CDHR3: variants seen among roughly 807,000 people sequenced by gnomAD.
The protein encoded by CDHR3 is cadherin related family member 3.
In CDHR3, 79 loss-of-function variants were observed where a neutral mutation model predicts 86.6. The observed-to-expected ratio is 0.91, with a 90% confidence interval of 0.76 to 1.10. The LOEUF (loss-of-function observed/expected upper bound fraction) is 1.10. CDHR3 is among the 50% of genes least tolerant of loss of function. The pLI is 0.00. For missense variants in CDHR3, 1,081 were observed against 1,077.6 expected, an observed-to-expected ratio of 1.00 and a Z score of -0.04; for synonymous variants, 421 against 402.4, an observed-to-expected ratio of 1.05 and a Z score of -0.55.
chr7:105,987,882 C>T (rs1376675956), intron 4 of CDHR3, among the ~76,000 whole-genome samples: 1 of 152,140 alleles, frequency 6.6e-6, no homozygotes, highest in Admixed American at 6.6e-5. Context: ...GACGAAAAGG[C>T]TGGGAACACT....
chr7:106,033,010 C>G lies in CDHR3; in HGVS notation c.*313C>G. 1 of 306,746 alleles carries G rather than the reference C, an allele frequency of 3.3e-6. No individual in the cohort carries two copies. The allele number at this position is 306,746 out of a possible 1,614,324, so 19.0% of individuals were successfully genotyped here. On this transcript the variant is annotated 3_prime_UTR_variant, in exon 19 of 19. Transcript: ENST00000317716. Reference sequence around the variant, plus strand: ...TCTTTGCATTGACTGCTAGGAAGCTCTATTCTGTTCACCATAGAAAGTTTG... The same window carrying G: ...TCTTTGCATTGACTGCTAGGAAGCTGTATTCTGTTCACCATAGAAAGTTTG...
intron 2 of CDHR3, among the ~76,000 whole-genome samples, chr7:105,977,457 C>G (rs1829002089): frequency 6.6e-6 from 1 of 152,236 alleles, no homozygotes; most frequent in Non-Finnish European, 1.5e-5. Flanking sequence ...CTCAACTCAT[C>G]TAGGCTCAAG....
intron 10 of CDHR3, among the ~76,000 whole-genome samples, chr7:106,015,425 C>T (rs1321250734): frequency 5.3e-5 from 8 of 152,008 alleles, no homozygotes; most frequent in Non-Finnish European, 8.8e-5. Flanking sequence ...TTAAAGCCTT[C>T]GAGCATCTCC....
Position 106,017,966 on chromosome 7 carries a change from C to A in CDHR3, c.1547C>A (p.Pro516His), listed in dbSNP as rs1254405942. The part of the protein sequence containing the change: ...LQYPNVFWIN[P>H]KTGELQLVTK... ...TATCCAAATGTATTTTGGATTAATC[C>A]CAAGACAGGAGAACTCCAGCTGGTA... The change falls in exon 12 of 19, where the codon CCC becomes CAC. Residue 516 changes from proline to histidine, a missense_variant. Physicochemically the swap from Pro to His is moderately conservative, Grantham distance 77. Transcript: ENST00000317716. 1 of 1,613,808 alleles carries A rather than the reference C, an allele frequency of 6.2e-7. No individual in the cohort carries two copies. The highest frequency in any genetic ancestry group is 2.2e-5 in the East Asian group (1 of 44,870).
At chr7:106,016,444 C>T (rs1169314498) in intron 11 of CDHR3, among the ~76,000 whole-genome samples, 1 of 152,148 alleles carries the variant, frequency 6.6e-6, no homozygotes, top group African/African-American at 2.4e-5. Flanking sequence ...AAGGCATTTT[C>T]TCTCTCCCCT....
rs747286133 is a variant in CDHR3, at chr7:105,975,007, A to G, written c.210A>G (p.Glu70=). 9.3e-6 allele frequency: 15 copies of G among 1,613,844 alleles called. No individual in the cohort carries two copies. In the Admixed American group the frequency reaches 2.5e-4, roughly 27 times the overall value. ...TAGTCAACTCAAATCCCCTCACTGA[A>G]GCTTTTAGGGTGAATTGGCTGTCAG... is the stretch of plus-strand genomic sequence containing the variant. The part of the protein sequence containing the change: ...PQIVNSNPLT[E]AFRVNWLSGT... The change falls in exon 2 of 19, where the codon GAA becomes GAG. Residue 70 remains glutamate (E), a synonymous_variant. Coordinates refer to ENST00000317716, the MANE Select transcript of CDHR3 (RefSeq NM_152750.5).
chr7:105,975,347 G>A (rs1828639934), intron 2 of CDHR3, among the ~76,000 whole-genome samples: 1 of 152,170 alleles, frequency 6.6e-6, no homozygotes, highest in African/African-American at 2.4e-5. Flanking sequence ...TGTGCCTACA[G>A]TATCTAAATT....
chr7:105,993,486 A>G (rs1215086928), intron 4 of CDHR3, among the ~76,000 whole-genome samples: 2 of 151,312 alleles, frequency 1.3e-5, no homozygotes, highest in Non-Finnish European at 1.5e-5. Context: ...CCTGGGCAAC[A>G]TGGTGAAACC....
rs191771910 is a variant in CDHR3, at chr7:105,998,154, G to A, written c.713+1800G>A. ...TTTCAAACTACGTGCTGACTTGGAG[G>A]GCTTTCATGGTTCCCTTGAGCTTCT... On this transcript the variant is annotated intron_variant, in intron 6 of 18. Transcript: ENST00000317716. Among the ~76,000 whole-genome samples, 6 of 152,216 alleles carry A rather than the reference G, an allele frequency of 3.9e-5. No individual in the cohort carries two copies. The East Asian group carries it at 1.2e-3, about 29-fold the overall frequency.
chr7:106,032,836 G>T lies in CDHR3; in HGVS notation c.*139G>T. On this transcript the variant is annotated 3_prime_UTR_variant, in exon 19 of 19. Transcript: ENST00000317716. Reference sequence around the variant, plus strand: ...ATCCAGGGTCAAACATGGGATGTTTGACAAATTTTTAAACAAATAGAAAGG... The same window carrying T: ...ATCCAGGGTCAAACATGGGATGTTTTACAAATTTTTAAACAAATAGAAAGG... The T allele has an allele frequency of 1.2e-6, 1 of 831,772 alleles. No individual in the cohort carries two copies. Among genetic ancestry groups the T allele is most frequent in the Non-Finnish European group, 1.8e-6 (1 of 548,188 alleles). The allele number at this position is 831,772 out of a possible 1,614,324, so 51.5% of individuals were successfully genotyped here.
intron 9 of CDHR3, among the ~76,000 whole-genome samples, chr7:106,014,857 T>C (rs957810952): frequency 2.0e-5 from 3 of 152,246 alleles, no homozygotes; most frequent in African/African-American, 7.2e-5. Flanking sequence ...GATCCTGTGC[T>C]GTTGAGCAAT....
At position 105,978,786 on chromosome 7, in the gene CDHR3, T is replaced by G. The variant is rs533402969; in HGVS notation, c.250-2182T>G. On this transcript the variant is annotated intron_variant, in intron 2 of 18. Transcript: ENST00000317716. ...ATTCTTTTGGTTCCAAGATACAACA[T>G]TTTTGGACCATTTTTTGACTGTTCT... is the stretch of plus-strand genomic sequence containing the variant. Among the ~76,000 whole-genome samples, 10 of 152,250 alleles carry G rather than the reference T, an allele frequency of 6.6e-5. No homozygotes were observed. In the East Asian group the frequency reaches 1.9e-3, roughly 29 times the overall value.
At chr7:106,023,874 C>G (rs1836959491) in intron 14 of CDHR3, among the ~76,000 whole-genome samples, 1 of 152,196 alleles carries the variant, frequency 6.6e-6, no homozygotes, top group South Asian at 2.1e-4. Context: ...ACCTCCGTAA[C>G]TTGTTTGTTA....
chr7:105,996,157 C>T (rs1832171336), intron 5 of CDHR3, 93 bp from the exon 6 acceptor site: 2 of 699,036 alleles, frequency 2.9e-6, no homozygotes, highest in Non-Finnish European at 5.2e-6. Context: ...GCAGGGTCTG[C>T]TCTCACTCCT....
At chr7:105,971,095 C>T (rs973586556) in intron 1 of CDHR3, among the ~76,000 whole-genome samples, 2 of 150,460 alleles carry the variant, frequency 1.3e-5, no homozygotes, top group Admixed American at 6.6e-5. Flanking sequence ...GAGCCAAGAT[C>T]GCGCCACTGC....
At chr7:105,998,570 T>A (rs1832626788) in intron 6 of CDHR3, among the ~76,000 whole-genome samples, 1 of 152,132 alleles carries the variant, frequency 6.6e-6, no homozygotes, top group South Asian at 2.1e-4. Flanking sequence ...GGCGGGTGGA[T>A]CACCTGAGGT....
At chr7:106,018,118 C>G in intron 12 of CDHR3, 46 bp downstream of exon 12, 1 of 1,508,720 alleles carries the variant, frequency 6.6e-7, no homozygotes. Context: ...AACTGGTTGA[C>G]TTAGGGTCTC....
intron 1 of CDHR3, among the ~76,000 whole-genome samples, chr7:105,966,346 A>G (rs193803): frequency 0.76 from 115,887 of 152,090 alleles, 45,348 homozygotes; most frequent in East Asian, 0.95. Context: ...CAGAAGATTC[A>G]CATGGACATG....
At chr7:105,974,298 CAGAGTCCA>C (rs1828437827) in intron 1 of CDHR3, among the ~76,000 whole-genome samples, 1 of 152,210 alleles carries the variant, frequency 6.6e-6, no homozygotes, top group Non-Finnish European at 1.5e-5. Flanking sequence ...ATGATGCCTA[CAGAGTCCA>C]ATAATAACCA....
Sources: gnomAD v4.1 joint callset for allele counts (sites outside exome capture counted in the v4.1 genomes callset) on GRCh38, gnomAD v4.1.1 for gene constraint, MANE v1.5 for transcripts, NCBI Gene and HGNC (gene_info 2026-07-23, HGNC 2026-07-21) for gene names.